C6orf118: variants seen among roughly 807,000 people sequenced by gnomAD.
The protein encoded by C6orf118 is chromosome 6 open reading frame 118.
C6orf118 carries 50 observed loss-of-function variants against 50.2 expected under a neutral mutation model. That is an observed-to-expected ratio of 1.00 (90% CI 0.79 to 1.26). The LOEUF is 1.26. Ranked by LOEUF, C6orf118 falls within the 50% of genes most tolerant of loss-of-function variation. C6orf118 has a pLI of 0.00. For missense variants in C6orf118, 641 were observed against 578.7 expected, an observed-to-expected ratio of 1.11 and a Z score of -1.10; for synonymous variants, 239 against 230.9, an observed-to-expected ratio of 1.03 and a Z score of -0.32.
chr6:165,307,125 T>C (rs1780764404), intron 1 of C6orf118, among the ~76,000 whole-genome samples: 1 of 152,218 alleles, frequency 6.6e-6, no homozygotes, highest in African/African-American at 2.4e-5. Context: ...TTTGGGTTAA[T>C]ACATATTGCC....
At chr6:165,293,542 C>A in intron 5 of C6orf118, 71 bp from the exon 6 acceptor site, 1 of 1,229,042 alleles carries the variant, frequency 8.1e-7, no homozygotes, top group African/African-American at 1.5e-5. Flanking sequence ...GTCTGGGTTA[C>A]ACCACAAGTC....
chr6:165,281,527 T>G, intron 8 of C6orf118, 113 bp downstream of exon 8: 1 of 1,424,608 alleles, frequency 7.0e-7, no homozygotes, highest in Non-Finnish European at 9.2e-7. Context: ...TTCACATGGT[T>G]TTCAGTAACC....
chr6:165,281,435 C>G, intron 8 of C6orf118: 5 of 1,162,966 alleles, frequency 4.3e-6, no homozygotes, highest in Non-Finnish European at 5.5e-6. Context: ...ATCTTGAGAA[C>G]AGCATGATAC....
intron 1 of C6orf118, among the ~76,000 whole-genome samples, chr6:165,306,811 C>T (rs1780753709): frequency 6.6e-6 from 1 of 152,114 alleles, no homozygotes; most frequent in Non-Finnish European, 1.5e-5. Context: ...GTAAGAGCTG[C>T]TCCAGACAGA....
intron 2 of C6orf118, 132 bp downstream of exon 2, chr6:165,301,437 A>G: frequency 7.9e-7 from 1 of 1,273,720 alleles, no homozygotes; most frequent in East Asian, 2.3e-5. Context: ...CACCGAGAAC[A>G]CTGCCCCAAG....
intron 6 of C6orf118, among the ~76,000 whole-genome samples, chr6:165,290,775 T>G (rs1006955727): frequency 2.0e-5 from 3 of 152,160 alleles, no homozygotes; most frequent in Non-Finnish European, 4.4e-5. Flanking sequence ...GCTATGGCAA[T>G]CATTCACACA....
chr6:165,295,508 G>A (rs985899516), intron 5 of C6orf118, among the ~76,000 whole-genome samples: 1 of 152,166 alleles, frequency 6.6e-6, no homozygotes, highest in Non-Finnish European at 1.5e-5. Context: ...TCTCATAGTA[G>A]TTTGTATAGA....
At chr6:165,292,730 C>T (rs771486810) in intron 6 of C6orf118, among the ~76,000 whole-genome samples, 5 of 152,002 alleles carry the variant, frequency 3.3e-5, no homozygotes, top group Non-Finnish European at 5.9e-5. Flanking sequence ...AGAGAACAGG[C>T]GGGACAAGGG....
chr6:165,289,162 A>T (rs1469068833), intron 7 of C6orf118, among the ~76,000 whole-genome samples: 1 of 150,354 alleles, frequency 6.7e-6, no homozygotes, highest in Non-Finnish European at 1.5e-5. Context: ...GCACACAGCC[A>T]TGTCCCCCCT....
chr6:165,289,167 C>A (rs1319013946), intron 7 of C6orf118, among the ~76,000 whole-genome samples: 1 of 148,710 alleles, frequency 6.7e-6, no homozygotes, highest in Admixed American at 6.7e-5. Flanking sequence ...CAGCCATGTC[C>A]CCCCTCCAAA....
chr6:165,307,547 G>A (rs2128165970), intron 1 of C6orf118, among the ~76,000 whole-genome samples: 1 of 132,610 alleles, frequency 7.5e-6, no homozygotes, highest in South Asian at 2.3e-4. Context: ...GACAGAGTGA[G>A]ACTGCCTCAA....
intron 7 of C6orf118, among the ~76,000 whole-genome samples, chr6:165,286,370 C>A (rs1399562724): frequency 6.6e-6 from 1 of 152,074 alleles, no homozygotes; most frequent in African/African-American, 2.4e-5. Flanking sequence ...GAACTGGCAC[C>A]ATTTCTTCTG....
At chr6:165,289,788 A>AT (rs1468230716) in intron 7 of C6orf118, 98 bp downstream of exon 7, 27 of 727,804 alleles carry the variant, frequency 3.7e-5, no homozygotes, top group Non-Finnish European at 5.0e-5. Context: ...AAATTTTATG[A>AT]TTTTTTTACC....
chr6:165,284,497 A>C (rs1743426290), intron 7 of C6orf118, among the ~76,000 whole-genome samples: 2 of 152,304 alleles, frequency 1.3e-5, no homozygotes, highest in East Asian at 1.9e-4. Flanking sequence ...CTCCATGAGA[A>C]GATTAACCCC....
At chr6:165,296,257 T>TGTTG (rs1562330078) in intron 5 of C6orf118, among the ~76,000 whole-genome samples, 1 of 139,110 alleles carries the variant, frequency 7.2e-6, no homozygotes, top group African/African-American at 2.6e-5. Flanking sequence ...TTTGTTTTTT[T>TGTTG]TTTTTTTTTT....
chr6:165,281,738 A>T, intron 7 of C6orf118, 45 bp from the exon 8 acceptor site: 1 of 1,230,720 alleles, frequency 8.1e-7, no homozygotes, highest in Non-Finnish European at 1.1e-6. Flanking sequence ...GGTTAAAAAT[A>T]TTTGTTAATT....
rs1562474343 is a variant in C6orf118 at position 165,281,631 on chromosome 6, A to G, written c.1356+9T>C. On this transcript the variant is annotated intron_variant, in intron 8 of 8. Transcript: ENST00000230301. ...TATTGATAAACATTGATTCACACAA[A>G]AAACTTACTTTTATTTTCTTCTTTA... The G allele has an allele frequency of 2.7e-6, 4 of 1,495,230 alleles. No individual in the cohort carries two copies. Among genetic ancestry groups the G allele is most frequent in the Non-Finnish European group, 3.6e-6 (4 of 1,118,786 alleles). 92.6% of individuals were successfully genotyped at this position (1,495,230 alleles called of 1,614,324 possible). A position where few individuals can be genotyped will look rare whatever the true frequency, so the allele number is the denominator to read the frequency against.
At chr6:165,290,477 G>T (rs1251434840) in intron 6 of C6orf118, among the ~76,000 whole-genome samples, 1 of 152,124 alleles carries the variant, frequency 6.6e-6, no homozygotes, top group Non-Finnish European at 1.5e-5. Context: ...CTTTGCCAGA[G>T]AAGTGTGGCT....
intron 7 of C6orf118, among the ~76,000 whole-genome samples, chr6:165,286,725 C>G (rs1456697885): frequency 6.6e-6 from 1 of 152,082 alleles, no homozygotes; most frequent in Admixed American, 6.6e-5. Flanking sequence ...AATTCAACAT[C>G]CCTGCATGTT....
Sources: allele counts gnomAD v4.1 joint callset (sites outside exome capture counted in the v4.1 genomes callset), GRCh38; gene constraint gnomAD v4.1.1; transcripts MANE v1.5; gene names NCBI Gene and HGNC (gene_info 2026-07-23, HGNC 2026-07-21).